RALGAPA2: variants seen among roughly 807,000 people sequenced by gnomAD.
The protein encoded by RALGAPA2 is Ral GTPase activating protein catalytic subunit alpha 2, also known as ral GTPase-activating protein subunit alpha-2.
Under a neutral mutation model 230.4 loss-of-function variants are expected in RALGAPA2, and 139 were observed. The ratio of observed to expected loss-of-function variants is 0.60; its 90% CI spans 0.53 to 0.69. The LOEUF (loss-of-function observed/expected upper bound fraction) is 0.69, where lower values mean the gene tolerates loss of function less well. Ranked by LOEUF, RALGAPA2 falls within the 30% of genes least tolerant of loss-of-function variation. The probability of loss-of-function intolerance (pLI) is 0.00; values close to 1 mark genes in which losing one functional copy is unlikely to be tolerated. For missense variants in RALGAPA2, 2,163 were observed against 2,276.0 expected (o/e 0.95, Z 1.01); for synonymous variants, 847 against 837.8 (o/e 1.01, Z -0.19).
At chr20:20,551,570 C>G (rs1355636291) in intron 23 of RALGAPA2, among the ~76,000 whole-genome samples, 1 of 152,182 alleles carries the variant, frequency 6.6e-6, no homozygotes, top group African/African-American at 2.4e-5. Context: ...TATCACTGAT[C>G]TTGCAAAAAA....
chr20:20,601,771 A>T lies in RALGAPA2; in HGVS notation c.2114T>A (p.Val705Glu). 1 of 1,613,764 alleles carries T rather than the reference A, an allele frequency of 6.2e-7. No individual in the cohort carries two copies. The highest frequency in any genetic ancestry group is 8.5e-7 in the Non-Finnish European group (1 of 1,179,734). Residue 705 changes from valine to glutamate, a missense_variant, in exon 16 of 40, where the codon GTG becomes GAG. Physicochemically the swap from Val to Glu is moderately radical, Grantham distance 121. Transcript: ENST00000202677. ...FSLSWRSHPD[V>E]TEPMRFRSAT... ...ACTCCTAAATCGCATCGGTTCGGTC[A>T]CATCTGGGTGGCTCCGCCAGCTGAG... is the stretch of plus-strand genomic sequence containing the variant.
At chr20:20,421,004 A>G (rs1326499113) in intron 37 of RALGAPA2, among the ~76,000 whole-genome samples, 1 of 152,228 alleles carries the variant, frequency 6.6e-6, no homozygotes, top group Non-Finnish European at 1.5e-5. Context: ...TAGTGATGAA[A>G]GAAAGTGAAG....
chr20:20,552,226 T>C (rs529047559), intron 23 of RALGAPA2, among the ~76,000 whole-genome samples: 61 of 152,326 alleles, frequency 4.0e-4, no homozygotes, highest in Non-Finnish European at 7.2e-4. Flanking sequence ...ATGATGGTTG[T>C]AACACAATAG....
At position 20,513,028 on chromosome 20, in the gene RALGAPA2, C is replaced by A. The variant is rs764118084; in HGVS notation, c.4341G>T (p.Pro1447=). The A allele has an allele frequency of 3.1e-6, 5 of 1,613,412 alleles. No homozygotes were observed. The highest frequency in any genetic ancestry group is 4.2e-6 in the Non-Finnish European group (5 of 1,179,576). Residue 1447 remains proline (P), a synonymous_variant, in exon 32 of 40, where the codon CCG becomes CCT. Coordinates refer to ENST00000202677, the MANE Select transcript of RALGAPA2 (RefSeq NM_020343.4). ...ISYLQTPTEG[P]VGGSPVGSLS... ...GAGAGCCCACTGGTGATCCCCCTAC[C>A]GGTCCTTCTGTGGGTGTCTGAAGGT...
At chr20:20,549,428 A>G (rs1033254169) in intron 23 of RALGAPA2, among the ~76,000 whole-genome samples, 1 of 152,150 alleles carries the variant, frequency 6.6e-6, no homozygotes, top group Non-Finnish European at 1.5e-5. Flanking sequence ...AGAGGGCAAA[A>G]TAACAGATGG....
intron 26 of RALGAPA2, among the ~76,000 whole-genome samples, chr20:20,534,337 C>T (rs181285502): frequency 6.6e-6 from 1 of 151,382 alleles, no homozygotes; most frequent in Admixed American, 6.6e-5. Context: ...CCCAGCTACT[C>T]GGGAGGCTGA....
intron 36 of RALGAPA2, among the ~76,000 whole-genome samples, chr20:20,491,806 G>C (rs576932263): frequency 4.6e-5 from 7 of 151,908 alleles, no homozygotes; most frequent in Admixed American, 4.6e-4. Flanking sequence ...TTTAACAATG[G>C]AATGATGCTG....
chr20:20,573,146 CT>C, intron 20 of RALGAPA2, 78 bp from the exon 21 acceptor site: 1 of 1,244,398 alleles, frequency 8.0e-7, no homozygotes, highest in South Asian at 2.1e-5. Context: ...GGCAAATTAC[CT>C]TAGGTATTCA....
intron 2 of RALGAPA2, among the ~76,000 whole-genome samples, chr20:20,678,563 C>T (rs1354970464): frequency 6.6e-6 from 1 of 152,270 alleles, no homozygotes; most frequent in African/African-American, 2.4e-5. Context: ...GTACGCTCCT[C>T]TCCATGTCTC....
At chr20:20,574,766 T>C (rs2145947359) in intron 20 of RALGAPA2, among the ~76,000 whole-genome samples, 1 of 152,330 alleles carries the variant, frequency 6.6e-6, no homozygotes, top group South Asian at 2.1e-4. Flanking sequence ...CAATTCTATC[T>C]CTATTTGCTT....
chr20:20,575,518 G>A (rs1292119101), intron 20 of RALGAPA2, among the ~76,000 whole-genome samples: 2 of 151,842 alleles, frequency 1.3e-5, no homozygotes, highest in African/African-American at 2.4e-5. Context: ...AGACGTGTTG[G>A]TGACTCCAAG....
chr20:20,466,651 C>T (rs778845750), intron 37 of RALGAPA2, among the ~76,000 whole-genome samples: 22 of 152,166 alleles, frequency 1.4e-4, no homozygotes, highest in Non-Finnish European at 3.1e-4. Context: ...GAGCACAGGC[C>T]GTAGTTCCTG....
Position 20,512,775 on chromosome 20 carries a change from G to A in RALGAPA2, c.4594C>T (p.Pro1532Ser), listed in dbSNP as rs1247270337. 6.2e-7 allele frequency: 1 copy of A among 1,613,776 alleles called. No individual in the cohort carries two copies. Among genetic ancestry groups the A allele is most frequent in the Non-Finnish European group, 8.5e-7 (1 of 1,179,716 alleles). ...AGCTGTGACGGTAAAAGGCATTCAG[G>A]ACTTGTATGGCCAATGTTTTCAAGT... ...KLLENIGHTS[P>S]ECLLPSQLNL... Residue 1532 changes from proline to serine, a missense_variant, in exon 32 of 40, where the codon CCT becomes TCT. By Grantham distance (74) the Pro-to-Ser change is moderately conservative. Coordinates refer to ENST00000202677, the MANE Select transcript of RALGAPA2 (RefSeq NM_020343.4).
At chr20:20,534,595 T>C (rs1390158187) in intron 26 of RALGAPA2, among the ~76,000 whole-genome samples, 1 of 152,046 alleles carries the variant, frequency 6.6e-6, no homozygotes, top group Non-Finnish European at 1.5e-5. Context: ...TTAATAGTCC[T>C]AAAATCACTG....
At chr20:20,425,309 C>A (rs1055734565) in intron 37 of RALGAPA2, among the ~76,000 whole-genome samples, 36 of 152,162 alleles carry the variant, frequency 2.4e-4, no homozygotes, top group African/African-American at 8.7e-4. Flanking sequence ...AGTATTTGCA[C>A]CAAGTTGTGT....
rs1034799518 is a variant in RALGAPA2, at chr20:20,411,968, T to A, written c.5617+59A>T. On this transcript the variant is annotated intron_variant, in intron 38 of 39. Coordinates refer to ENST00000202677, the MANE Select transcript of RALGAPA2 (RefSeq NM_020343.4). Reference sequence around the variant, plus strand: ...AGCATTTATCTGTGAAAAACAGGTGTACATCTGCTGCTCGAATGCGTCTTA... The same window carrying A: ...AGCATTTATCTGTGAAAAACAGGTGAACATCTGCTGCTCGAATGCGTCTTA... 8.1e-6 allele frequency: 13 copies of A among 1,599,828 alleles called. No homozygotes were observed. In the African/African-American group the frequency reaches 1.2e-4, roughly 15 times the overall value.
intron 39 of RALGAPA2, among the ~76,000 whole-genome samples, chr20:20,395,028 T>C (rs2059682372): frequency 6.6e-6 from 1 of 151,132 alleles, no homozygotes; most frequent in African/African-American, 2.4e-5. Flanking sequence ...CCAGGGAGGA[T>C]AAAGAGGGAA....
intron 3 of RALGAPA2, among the ~76,000 whole-genome samples, chr20:20,658,714 T>C (rs183390777): frequency 6.6e-6 from 1 of 152,356 alleles, no homozygotes; most frequent in Admixed American, 6.5e-5. Context: ...TAGTTCTTTT[T>C]TCTTCAGAAC....
chr20:20,653,541 T>A lies in RALGAPA2; in HGVS notation c.317A>T (p.Tyr106Phe). The A allele has an allele frequency of 6.7e-7, 1 of 1,497,594 alleles. No individual in the cohort carries two copies. The highest frequency in any genetic ancestry group is 1.2e-5 in the South Asian group (1 of 81,458). 92.8% of individuals were successfully genotyped at this position (1,497,594 alleles called of 1,614,324 possible). ...TTAATTGTTCTTACCTATACTCTGG[T>A]AATGCCATCGAAAGAAAATTCGTTC... ...LPERIFFRWHYQSIGSTLKKL... is the reference protein window; with the variant it reads ...LPERIFFRWHFQSIGSTLKKL... Residue 106 changes from tyrosine (Y) to phenylalanine (F), a missense_variant, in exon 4 of 40, where the codon TAC (tyrosine) becomes TTC (phenylalanine). By Grantham distance (22) the Tyr-to-Phe change is conservative (BLOSUM62 3). Coordinates refer to ENST00000202677, the MANE Select transcript of RALGAPA2 (RefSeq NM_020343.4).
Sources: allele counts gnomAD v4.1 joint callset (sites outside exome capture counted in the v4.1 genomes callset), GRCh38; gene constraint gnomAD v4.1.1; transcripts MANE v1.5; gene names NCBI Gene and HGNC (gene_info 2026-07-23, HGNC 2026-07-21).